Variants in SAMD9 observed in about 807,000 individuals in gnomAD.
The protein encoded by SAMD9 is sterile alpha motif domain containing 9, also known as sterile alpha motif domain-containing protein 9.
In SAMD9, 3 loss-of-function variants were observed where a neutral mutation model predicts 1.5. The observed-to-expected ratio is 2.05, with a 90% confidence interval of 0.93 to 5.29. The LOEUF is 5.29. Among genes scored for constraint, SAMD9 ranks in the 30% most tolerant of loss-of-function variants. The pLI is 0.02. For missense variants in SAMD9, 1,597 were observed against 1,820.8 expected, an observed-to-expected ratio of 0.88 and a Z score of 2.24; for synonymous variants, 635 against 631.9, an observed-to-expected ratio of 1.00 and a Z score of -0.07.
chr7:93,101,400 G>C lies in SAMD9; in HGVS notation c.4698C>G (p.Ser1566Arg). 2 of 1,613,758 alleles carry C rather than the reference G, an allele frequency of 1.2e-6. No individual in the cohort carries two copies. Among genetic ancestry groups the C allele is most frequent in the Non-Finnish European group, 1.7e-6 (2 of 1,179,734 alleles). Residue 1566 changes from serine to arginine, a missense_variant, in exon 3 of 3, where the codon AGC (serine) becomes AGG (arginine). Around this residue, in one of 6 missense-constraint regions of SAMD9, gnomAD observed 682 missense variants for 810.0 expected, o/e 0.84. Coordinates refer to ENST00000379958, the MANE Select transcript of SAMD9 (RefSeq NM_017654.4). ...CCAGGTAAAAAGACACCTTCTCTAT[G>C]CTTCTGCCACTTCTAAGTTGACCTA... ...AFLGQLRSGR[S>R]IEKVSFYLGF...
rs1584252440 is a variant in SAMD9, at chr7:93,102,748, G to A, written c.3350C>T (p.Ser1117Phe). The A allele has an allele frequency of 6.2e-7, 1 of 1,613,818 alleles. No homozygotes were observed. Among genetic ancestry groups the A allele is most frequent in the Non-Finnish European group, 8.5e-7 (1 of 1,179,762 alleles). The change falls in exon 3 of 3, where the codon TCT becomes TTT. Residue 1117 changes from serine to phenylalanine, a missense_variant. Ser to Phe is a radical substitution (Grantham distance 155). Coordinates refer to ENST00000379958, the MANE Select transcript of SAMD9 (RefSeq NM_017654.4). ...KQAKIIEPDN[S>F]YISDTLGQVY... ...TTGACCCAGTGTATCTGAGATATAA[G>A]AATTGTCAGGTTCTATGATTTTTGC...
At position 93,102,605 on chromosome 7, in the gene SAMD9, C is replaced by G. The variant is rs149420683; in HGVS notation, c.3493G>C (p.Glu1165Gln). Residue 1165 changes from glutamate (E) to glutamine (Q), a missense_variant, in exon 3 of 3, where the codon GAA becomes CAA. Physicochemically the swap from Glu to Gln is conservative, Grantham distance 29. Coordinates refer to ENST00000379958, the MANE Select transcript of SAMD9 (RefSeq NM_017654.4). ...CTATCTTCACTTTGCTGTTGAGATTCTTTGAATGCACTTGAGGCATGTTCT... is the reference window on the plus strand; with the variant it reads ...CTATCTTCACTTTGCTGTTGAGATTGTTTGAATGCACTTGAGGCATGTTCT... The part of the protein sequence containing the change: ...LAEHASSAFK[E>Q]SQQQSEDREY... 1.2e-5 allele frequency: 20 copies of G among 1,613,816 alleles called. No individual in the cohort carries two copies. The highest frequency in any genetic ancestry group is 1.7e-5 in the Non-Finnish European group (20 of 1,179,766).
At chr7:93,107,063 G>A (rs188106394) in intron 2 of SAMD9, among the ~76,000 whole-genome samples, 1 of 148,890 alleles carries the variant, frequency 6.7e-6, no homozygotes, top group Non-Finnish European at 1.5e-5. Flanking sequence ...TTTTTGAGAT[G>A]GAGTTTTGCT....
chr7:93,106,580 A>G (rs1354195476), intron 2 of SAMD9, among the ~76,000 whole-genome samples: 1 of 152,226 alleles, frequency 6.6e-6, no homozygotes, highest in Admixed American at 6.5e-5. Context: ...AGAGCATATG[A>G]GTATTAAGCA....
At position 93,101,183 on chromosome 7, in the gene SAMD9, T is replaced by G. The variant is rs562254826; in HGVS notation, c.*145A>C. On this transcript the variant is annotated 3_prime_UTR_variant, in exon 3 of 3. Coordinates refer to ENST00000379958, the MANE Select transcript of SAMD9 (RefSeq NM_017654.4). ...TGTCTTTGTAGAACTCATAACATGT[T>G]TAAGAGGAAATTAAATACTGCATGT... The G allele has an allele frequency of 9.7e-6, 7 of 718,438 alleles. No homozygotes were observed. The highest frequency in any genetic ancestry group is 9.4e-5 in the South Asian group (6 of 63,808). The allele number at this position is 718,438 out of a possible 1,614,324, so 44.5% of individuals were successfully genotyped here. A position where few individuals can be genotyped will look rare whatever the true frequency, so the allele number is the denominator to read the frequency against.
At position 93,104,819 on chromosome 7, in the gene SAMD9, G is replaced by A. The variant is rs1403551402; in HGVS notation, c.1279C>T (p.His427Tyr). The change falls in exon 3 of 3, where the codon CAC becomes TAC. Residue 427 changes from histidine to tyrosine, a missense_variant. Physicochemically the swap from His to Tyr is moderately conservative, Grantham distance 83. Transcript: ENST00000379958. ...TTAATTTCCTTCAGGAAATCTAAGT[G>A]TTTTGTTTGATCTGGGTGGCATTTA... ...TNKCHPDQTK[H>Y]LDFLKEIKWF... The A allele has an allele frequency of 3.1e-6, 5 of 1,613,374 alleles. No individual in the cohort carries two copies. The highest frequency in any genetic ancestry group is 4.2e-6 in the Non-Finnish European group (5 of 1,179,748).
At position 93,104,633 on chromosome 7, in the gene SAMD9, G is replaced by T. The variant is rs1360150471; in HGVS notation, c.1465C>A (p.Pro489Thr). 3 of 1,613,922 alleles carry T rather than the reference G, an allele frequency of 1.9e-6. No individual in the cohort carries two copies. Among genetic ancestry groups the T allele is most frequent in the Non-Finnish European group, 2.5e-6 (3 of 1,179,942 alleles). ...CTGCCATTGCAGAAAATCCAGCTGG[G>T]TTGATGGTAAAGATTTAGAGTAGAA... ...TISTLNLYHQ[P>T]SWIFCNGRLD... The change falls in exon 3 of 3, where the codon CCC becomes ACC. Residue 489 changes from proline to threonine, a missense_variant. Physicochemically the swap from Pro to Thr is conservative, Grantham distance 38 (BLOSUM62 -1). Transcript: ENST00000379958.
Position 93,103,620 on chromosome 7 carries a change from T to G in SAMD9, c.2478A>C (p.Glu826Asp). The change falls in exon 3 of 3, where the codon GAA becomes GAC. Residue 826 changes from glutamate to aspartate, a missense_variant. By Grantham distance (45) the Glu-to-Asp change is conservative. Coordinates refer to ENST00000379958, the MANE Select transcript of SAMD9 (RefSeq NM_017654.4). ...AATTTAGGATAATCACCAGAGGTTT[T>G]TCATATCGAATGTACTTTTTAGCTA... ...TAIAKKYIRYEKPLVIILNCM... is the reference protein window; with the variant it reads ...TAIAKKYIRYDKPLVIILNCM... 6.2e-7 allele frequency: 1 copy of G among 1,613,732 alleles called. No individual in the cohort carries two copies.
rs773216620 is a variant in SAMD9 at position 93,105,033 on chromosome 7, A to G, written c.1065T>C (p.Asn355=). ...CTTTAAATGCTCTGAAATCAACTTT[A>G]TTTTTCGTAATGTCCTTAGAGCTGG... is the stretch of plus-strand genomic sequence containing the variant. ...DGTSSKDITK[N]KVDFRAFKAD... The change falls in exon 3 of 3, where the codon AAT becomes AAC. Residue 355 remains asparagine, a synonymous_variant. Coordinates refer to ENST00000379958, the MANE Select transcript of SAMD9 (RefSeq NM_017654.4). 6.2e-7 allele frequency: 1 copy of G among 1,613,670 alleles called. No homozygotes were observed.
intron 2 of SAMD9, among the ~76,000 whole-genome samples, chr7:93,106,621 T>A (rs187890690): frequency 6.6e-6 from 1 of 152,326 alleles, no homozygotes; most frequent in East Asian, 1.9e-4. Flanking sequence ...AACCAAATAG[T>A]AAATATTCAT....
intron 2 of SAMD9, among the ~76,000 whole-genome samples, chr7:93,109,949 A>G (rs1003040833): frequency 2.6e-5 from 4 of 152,244 alleles, no homozygotes; most frequent in African/African-American, 9.6e-5. Context: ...TTCAGAAAAT[A>G]CAGAGAATGC....
Position 93,104,759 on chromosome 7 carries a change from T to G in SAMD9, c.1339A>C (p.Asn447His). Residue 447 changes from asparagine to histidine, a missense_variant, in exon 3 of 3, where the codon AAC (asparagine) becomes CAC (histidine). This residue lies in a region of SAMD9 where 358 missense variants were observed against 460.4 expected (regional missense o/e 0.78). Transcript: ENST00000379958. ...FAVLEFDPES[N>H]INGVVKAYKE... ...TAAGCTTTGACCACTCCATTGATGT[T>G]AGACTCAGGATCAAACTCCAATACA... 1 of 1,613,904 alleles carries G rather than the reference T, an allele frequency of 6.2e-7. No individual in the cohort carries two copies. Among genetic ancestry groups the G allele is most frequent in the Non-Finnish European group, 8.5e-7 (1 of 1,179,916 alleles).
chr7:93,099,877 T>G lies in SAMD9; in HGVS notation c.*1451A>C, dbSNP rs867214476. 9.9e-5 allele frequency: 15 copies of G among 152,210 alleles called. No individual in the cohort carries two copies. The highest frequency in any genetic ancestry group is 2.0e-4 in the Admixed American group (3 of 15,282). 9.4% of individuals were successfully genotyped at this position (152,210 alleles called of 1,614,324 possible). ...CTAGATCATGTCATTTATTTACAAATACTTTAGTATGTATCTCTAAAAGGC... is the reference window on the plus strand; with the variant it reads ...CTAGATCATGTCATTTATTTACAAAGACTTTAGTATGTATCTCTAAAAGGC... On this transcript the variant is annotated 3_prime_UTR_variant, in exon 3 of 3. Transcript: ENST00000379958.
chr7:93,108,683 CCA>C (rs1791688233), intron 2 of SAMD9, among the ~76,000 whole-genome samples: 1 of 152,176 alleles, frequency 6.6e-6, no homozygotes, highest in African/African-American at 2.4e-5. Flanking sequence ...GGTCCCACAC[CCA>C]CGGAGCCTCA....
chr7:93,107,761 T>C (rs1439293824), intron 2 of SAMD9, among the ~76,000 whole-genome samples: 1 of 152,224 alleles, frequency 6.6e-6, no homozygotes, highest in Non-Finnish European at 1.5e-5. Context: ...TATTATTTTT[T>C]TCATATGTAA....
At position 93,101,469 on chromosome 7, in the gene SAMD9, A is replaced by G. The variant is rs1351399877; in HGVS notation, c.4629T>C (p.Tyr1543=). Residue 1543 remains tyrosine (Y), a synonymous_variant, in exon 3 of 3, where the codon TAT becomes TAC. Transcript: ENST00000379958. ...GTATTGTGATTTTTTCATTGATTCCATATTCTATATATAAACAATTGTTTT... is the reference window on the plus strand; with the variant it reads ...GTATTGTGATTTTTTCATTGATTCCGTATTCTATATATAAACAATTGTTTT... ...RAENNCLYIE[Y]GINEKITIPI... 7 of 1,613,672 alleles carry G rather than the reference A, an allele frequency of 4.3e-6. No homozygotes were observed. Among genetic ancestry groups the G allele is most frequent in the South Asian group, 3.3e-5 (3 of 91,084 alleles).
rs748476361 is a variant in SAMD9, at chr7:93,103,106, T to C, written c.2992A>G (p.Lys998Glu). 23 of 1,613,818 alleles carry C rather than the reference T, an allele frequency of 1.4e-5. No individual in the cohort carries two copies. The highest frequency in any genetic ancestry group is 1.9e-5 in the Non-Finnish European group (23 of 1,179,750). Reference sequence around the variant, plus strand: ...TGACTTTTATTCAGGTGATAGCTTTTCTTCAATTCTTCCAGTGAGAACTCT... The same window carrying C: ...TGACTTTTATTCAGGTGATAGCTTTCCTTCAATTCTTCCAGTGAGAACTCT... ...IAEFSLEELK[K>E]SYHLNKSQIM... The change falls in exon 3 of 3, where the codon AAA (lysine) becomes GAA (glutamate). Residue 998 changes from lysine (K) to glutamate (E), a missense_variant. Coordinates refer to ENST00000379958, the MANE Select transcript of SAMD9 (RefSeq NM_017654.4).
chr7:93,103,741 A>C lies in SAMD9; in HGVS notation c.2357T>G (p.Met786Arg), dbSNP rs1391546158. Residue 786 changes from methionine (M) to arginine (R), a missense_variant, in exon 3 of 3, where the codon ATG becomes AGG. Transcript: ENST00000379958. ...QVTSLITYGA[M>R]NRQEYVPVLL... Reference sequence around the variant, plus strand: ...TACAGGTACGTATTCCTGACGGTTCATTGCCCCATAGGTGATTAAACTGGT... The same window carrying C: ...TACAGGTACGTATTCCTGACGGTTCCTTGCCCCATAGGTGATTAAACTGGT... 1 of 1,613,978 alleles carries C rather than the reference A, an allele frequency of 6.2e-7. No homozygotes were observed. Among genetic ancestry groups the C allele is most frequent in the Non-Finnish European group, 8.5e-7 (1 of 1,179,868 alleles).
At chr7:93,116,885 T>A (rs1414662294) in intron 1 of SAMD9, among the ~76,000 whole-genome samples, 2 of 152,366 alleles carry the variant, frequency 1.3e-5, no homozygotes, top group African/African-American at 2.4e-5. Context: ...ATACATTTTT[T>A]AACTCTGGTT....
Sources: allele counts gnomAD v4.1 joint callset (sites outside exome capture counted in the v4.1 genomes callset), GRCh38; gene constraint gnomAD v4.1.1; regional missense constraint gnomAD v4.1.1; transcripts MANE v1.5; gene names NCBI Gene and HGNC (gene_info 2026-07-23, HGNC 2026-07-21).